Variants in FBLN2 observed in about 807,000 individuals in gnomAD.
FBLN2 encodes the protein fibulin 2.
A neutral mutation model predicts 123.7 loss-of-function variants in FBLN2; 81 were observed. That is an observed-to-expected ratio of 0.65 (90% CI 0.55 to 0.79). The LOEUF (loss-of-function observed/expected upper bound fraction) is 0.79. FBLN2 is among the 30% of genes least tolerant of loss of function. The pLI, the probability that FBLN2 is intolerant of heterozygous loss-of-function variation, is 0.00. For missense variants in FBLN2, 1,603 were observed against 1,681.3 expected (o/e 0.95, Z 0.81); for synonymous variants, 699 against 701.4 (o/e 1.00, Z 0.05).
chr3:13,618,667 TC>T (rs780331393), intron 6 of FBLN2, among the ~76,000 whole-genome samples: 18 of 152,134 alleles, frequency 1.2e-4, no homozygotes, highest in South Asian at 8.3e-4. Flanking sequence ...CTTTTTCCTT[TC>T]CCCCCTCTCT....
chr3:13,631,366 C>A lies in FBLN2; in HGVS notation c.3123C>A (p.Cys1041Ter). 6.2e-7 allele frequency: 1 copy of A among 1,603,212 alleles called. No individual in the cohort carries two copies. Among genetic ancestry groups the A allele is most frequent in the Non-Finnish European group, 8.5e-7 (1 of 1,175,298 alleles). ...GTGCTCAAGGCGCCGGCATCCTCTG[C>A]ACCTTCCGCTGTCTCAACGTGCCAG... ...DECAQGAGIL[C>*]TFRCLNVPGS... is the part of the protein sequence containing the mutation. The change falls in exon 16 of 18, where the codon TGC becomes TGA. Residue 1041 changes from cysteine (C) to a stop codon, truncating the protein, a stop_gained. Transcript: ENST00000404922. LOFTEE classifies it high-confidence loss of function.
chr3:13,609,785 G>A (rs1245356774), intron 4 of FBLN2, 143 bp downstream of exon 4: 1 of 918,768 alleles, frequency 1.1e-6, no homozygotes, highest in Non-Finnish European at 1.6e-6. Context: ...TGGGGTGGAA[G>A]GACTCTTAAT....
intron 9 of FBLN2, among the ~76,000 whole-genome samples, chr3:13,625,657 T>C (rs1202290727): frequency 1.3e-5 from 2 of 152,032 alleles, no homozygotes; most frequent in African/African-American, 2.4e-5. Flanking sequence ...GTGGGTTTTG[T>C]TGGTTCCAGC....
At position 13,628,060 on chromosome 3, in the gene FBLN2, C is replaced by A. The variant is rs1706111984; in HGVS notation, c.2569+91C>A. On this transcript the variant is annotated intron_variant, in intron 11 of 17. Transcript: ENST00000404922. ...TTTAGGGCTTTAGAGACCAGGGAGGCCTGGCTTGCTGCTCCATTCCTCTCC... is the reference window on the plus strand; with the variant it reads ...TTTAGGGCTTTAGAGACCAGGGAGGACTGGCTTGCTGCTCCATTCCTCTCC... The A allele has an allele frequency of 1.0e-5, 15 of 1,474,420 alleles. No homozygotes were observed. In the Admixed American group the frequency reaches 1.3e-4, roughly 13 times the overall value. The allele number at this position is 1,474,420 out of a possible 1,614,324, so 91.3% of individuals were successfully genotyped here. A position where few individuals can be genotyped will look rare whatever the true frequency, so the allele number is the denominator to read the frequency against.
chr3:13,594,841 G>C (rs1228044749), intron 2 of FBLN2, among the ~76,000 whole-genome samples: 1 of 152,196 alleles, frequency 6.6e-6, no homozygotes, highest in African/African-American at 2.4e-5. Flanking sequence ...TGTGAGAGTG[G>C]GCTTGGGGAA....
chr3:13,627,907 A>C lies in FBLN2; in HGVS notation c.2507A>C (p.Tyr836Ser). Reference sequence around the variant, plus strand: ...TGCCAGAACACCAAGGGCTCCTTCTACTGCCAGGCCAGGCAGCGCTGCATG... The same window carrying C: ...TGCCAGAACACCAAGGGCTCCTTCTCCTGCCAGGCCAGGCAGCGCTGCATG... ...FLCQNTKGSFYCQARQRCMDG... is the reference protein window; with the variant it reads ...FLCQNTKGSFSCQARQRCMDG... Residue 836 changes from tyrosine (Y) to serine (S), a missense_variant, in exon 11 of 18, where the codon TAC becomes TCC. By Grantham distance (144) the Tyr-to-Ser change is moderately radical. Coordinates refer to ENST00000404922, the MANE Select transcript of FBLN2 (RefSeq NM_001004019.2). The C allele has an allele frequency of 6.2e-7, 1 of 1,613,812 alleles. No homozygotes were observed. Among genetic ancestry groups the C allele is most frequent in the Non-Finnish European group, 8.5e-7 (1 of 1,179,840 alleles).
intron 5 of FBLN2, 141 bp from the exon 6 acceptor site, chr3:13,617,935 C>T: frequency 1.4e-6 from 1 of 719,490 alleles, no homozygotes; most frequent in East Asian, 2.5e-5. Flanking sequence ...CCCATCCATC[C>T]ATCCTGCTTC....
chr3:13,603,059 C>T (rs755320158), intron 2 of FBLN2, among the ~76,000 whole-genome samples: 38 of 151,424 alleles, frequency 2.5e-4, no homozygotes, highest in South Asian at 6.3e-4. Context: ...TACAGGTGCG[C>T]GCCACCAAGC....
At chr3:13,610,835 C>A (rs1705366557) in intron 4 of FBLN2, among the ~76,000 whole-genome samples, 1 of 152,072 alleles carries the variant, frequency 6.6e-6, no homozygotes, top group African/African-American at 2.4e-5. Flanking sequence ...TGCCAGCTCT[C>A]ATTTGCCACC....
chr3:13,559,341 C>T (rs1163083543), intron 1 of FBLN2, among the ~76,000 whole-genome samples: 2 of 74,328 alleles, frequency 2.7e-5, no homozygotes, highest in African/African-American at 9.9e-5. Context: ...CACTATGACC[C>T]TGTTTCTCTT....
intron 1 of FBLN2, among the ~76,000 whole-genome samples, chr3:13,562,664 C>A (rs1703645634): frequency 6.6e-6 from 1 of 152,218 alleles, no homozygotes; most frequent in Non-Finnish European, 1.5e-5. Flanking sequence ...CCATTTTAAC[C>A]TGCTTGAGTG....
chr3:13,565,639 G>A (rs189666535), intron 1 of FBLN2, among the ~76,000 whole-genome samples: 1 of 152,320 alleles, frequency 6.6e-6, no homozygotes, highest in Non-Finnish European at 1.5e-5. Flanking sequence ...CACATGATAC[G>A]TAAAGCGTTC....
At chr3:13,573,836 G>A (rs1209711029) in intron 2 of FBLN2, among the ~76,000 whole-genome samples, 2 of 147,958 alleles carry the variant, frequency 1.4e-5, no homozygotes, top group South Asian at 2.1e-4. Flanking sequence ...GGAGGCAGAG[G>A]TTGCAGTGAG....
chr3:13,580,858 G>A (rs1385216519), intron 2 of FBLN2, among the ~76,000 whole-genome samples: 1 of 152,194 alleles, frequency 6.6e-6, no homozygotes, highest in Non-Finnish European at 1.5e-5. Flanking sequence ...CCAAGTCCAC[G>A]GGCCAGTTGG....
intron 16 of FBLN2, among the ~76,000 whole-genome samples, chr3:13,632,423 C>A (rs368960490): frequency 6.6e-6 from 1 of 152,310 alleles, no homozygotes; most frequent in South Asian, 2.1e-4. Context: ...ATTTTCTTGG[C>A]CCGCAAAAGC....
In FBLN2 at chr3:13,608,744, G is replaced by A. The variant is rs560618990; in HGVS notation, c.1418+571G>A. 4.6e-5 allele frequency among the ~76,000 whole-genome samples: 7 copies of A among 152,180 alleles called. No homozygotes were observed. In the East Asian group the frequency reaches 9.6e-4, roughly 21 times the overall value. On this transcript the variant is annotated intron_variant, in intron 3 of 17. Coordinates refer to ENST00000404922, the MANE Select transcript of FBLN2 (RefSeq NM_001004019.2). Reference sequence around the variant, plus strand: ...TGCTTTGTTTTTTTCCAGGGACCCCGTCTAACCTACTCATTTTTCCAAATA... The same window carrying A: ...TGCTTTGTTTTTTTCCAGGGACCCCATCTAACCTACTCATTTTTCCAAATA...
At chr3:13,588,514 G>T (rs1184157427) in intron 2 of FBLN2, among the ~76,000 whole-genome samples, 1 of 152,200 alleles carries the variant, frequency 6.6e-6, no homozygotes, top group African/African-American at 2.4e-5. Context: ...TGAGCTCCAG[G>T]TCCCAGACCA....
intron 5 of FBLN2, among the ~76,000 whole-genome samples, chr3:13,617,484 A>G (rs2124891745): frequency 6.7e-6 from 1 of 149,962 alleles, no homozygotes; most frequent in African/African-American, 2.5e-5. Context: ...ATACTCATTC[A>G]TCCGTCTACC....
intron 3 of FBLN2, 89 bp downstream of exon 3, chr3:13,608,262 G>A (rs2276747): frequency 0.21 from 193,052 of 901,898 alleles, 25,510 homozygotes; most frequent in African/African-American, 0.58. Flanking sequence ...CAGGCAGCCC[G>A]GAGAGAGTGC....
Sources: allele counts gnomAD v4.1 joint callset (sites outside exome capture counted in the v4.1 genomes callset), GRCh38; gene constraint gnomAD v4.1.1; transcripts MANE v1.5; gene names NCBI Gene and HGNC (gene_info 2026-07-23, HGNC 2026-07-21).